Variants in PNPLA8 observed in about 807,000 individuals in gnomAD.
The protein encoded by PNPLA8 is patatin like domain 8, phospholipase A2.
A neutral mutation model predicts 76.9 loss-of-function variants in PNPLA8; 39 were observed. The observed-to-expected ratio is 0.51, with a 90% CI of 0.39 to 0.66. PNPLA8 has a LOEUF of 0.66. Ranked by LOEUF, PNPLA8 falls within the 30% of genes least tolerant of loss-of-function variation. The pLI, the probability that PNPLA8 is intolerant of heterozygous loss-of-function variation, is 0.00. For synonymous variants in PNPLA8, 301 were observed against 307.9 expected (o/e 0.98, Z 0.24); for missense variants, 887 against 918.0 (o/e 0.97, Z 0.44).
intron 1 of PNPLA8, among the ~76,000 whole-genome samples, 164 bp downstream of exon 1, chr7:108,525,865 C>A (rs944623902): frequency 6.6e-6 from 1 of 152,212 alleles, no homozygotes; most frequent in Non-Finnish European, 1.5e-5. Context: ...GACCTGCGGG[C>A]TCCTTCCAGC....
chr7:108,514,995 T>C lies in PNPLA8; in HGVS notation c.497A>G (p.Glu166Gly). The C allele has an allele frequency of 1.2e-6, 2 of 1,608,186 alleles. No homozygotes were observed. The highest frequency in any genetic ancestry group is 1.7e-6 in the Non-Finnish European group (2 of 1,179,694). Residue 166 changes from glutamate to glycine, a missense_variant, in exon 3 of 11, where the codon GAA becomes GGA. Coordinates refer to ENST00000257694, the MANE Select transcript of PNPLA8 (RefSeq NM_001256007.3). ...SLKKYSDKSA[E>G]KSPFPEEKSH... ...TTTCTCTTCTGGAAAAGGACTCTTT[T>C]CTGCTGATTTGTCACTATATTTTTT... is the stretch of plus-strand genomic sequence containing the variant.
rs1859595722 is a variant in PNPLA8, at chr7:108,471,011, G to A, written c.*1390C>T. 1 of 152,236 alleles carries A rather than the reference G, an allele frequency of 6.6e-6. No individual in the cohort carries two copies. The highest frequency in any genetic ancestry group is 6.5e-5 in the Admixed American group (1 of 15,296). The allele number at this position is 152,236 out of a possible 1,614,324, so 9.4% of individuals were successfully genotyped here. On this transcript the variant is annotated 3_prime_UTR_variant, in exon 11 of 11. Transcript: ENST00000257694. ...AACAGGGTCTAGCTTTAGTTTGTAT[G>A]TCTAAAACAAGGGGCGCTAACCTTT...
chr7:108,515,377 A>C lies in PNPLA8; in HGVS notation c.115T>G (p.Trp39Gly). ...LYFLFSPKHY[W>G]RISHISLQRG... ...TGTAGACTGATGTGGCTTATCCTCC[A>C]GTAATGCTTAGGTGAGAACAAGAAA... The change falls in exon 3 of 11, where the codon TGG becomes GGG. Residue 39 changes from tryptophan to glycine, a missense_variant. Coordinates refer to ENST00000257694, the MANE Select transcript of PNPLA8 (RefSeq NM_001256007.3). 1 of 1,613,534 alleles carries C rather than the reference A, an allele frequency of 6.2e-7. No homozygotes were observed. Among genetic ancestry groups the C allele is most frequent in the Non-Finnish European group, 8.5e-7 (1 of 1,179,690 alleles).
rs755491460 is a variant in PNPLA8, at chr7:108,487,827, C to T, written c.1810G>A (p.Ala604Thr). ...LGGCQYKMWQ[A>T]IRASSAAPGY... Reference sequence around the variant, plus strand: ...GGAGCAGCAGATGAGGCTCTAATGGCCTGCCACATTTTATACTGACAGCCT... The same window carrying T: ...GGAGCAGCAGATGAGGCTCTAATGGTCTGCCACATTTTATACTGACAGCCT... The change falls in exon 9 of 11, where the codon GCC becomes ACC. Residue 604 changes from alanine (A) to threonine (T), a missense_variant. Physicochemically the swap from Ala to Thr is moderately conservative, Grantham distance 58. Coordinates refer to ENST00000257694, the MANE Select transcript of PNPLA8 (RefSeq NM_001256007.3). 13 of 1,613,312 alleles carry T rather than the reference C, an allele frequency of 8.1e-6. No homozygotes were observed. Among genetic ancestry groups the T allele is most frequent in the South Asian group, 3.3e-5 (3 of 91,044 alleles).
Position 108,471,213 on chromosome 7 carries a change from C to CTTTTTT in PNPLA8, c.*1182_*1187dup, listed in dbSNP as rs67049113. On this transcript the variant is annotated 3_prime_UTR_variant, in exon 11 of 11. Coordinates refer to ENST00000257694, the MANE Select transcript of PNPLA8 (RefSeq NM_001256007.3). ...TAAGGTAAAACAAGCCTAACTTCTTCTTTTTTTTTTTTTTTTTTTTGAGAT... is the reference window on the plus strand; with the variant it reads ...TAAGGTAAAACAAGCCTAACTTCTTCTTTTTTTTTTTTTTTTTTTTTTTTTTGAGAT... 1.2e-4 allele frequency: 14 copies of CTTTTTT among 120,140 alleles called. No homozygotes were observed. The highest frequency in any genetic ancestry group is 1.9e-4 in the African/African-American group (6 of 31,510). The allele number at this position is 120,140 out of a possible 1,614,324, so 7.4% of individuals were successfully genotyped here. A position where few individuals can be genotyped will look rare whatever the true frequency, so the allele number is the denominator to read the frequency against.
In PNPLA8 at chr7:108,470,475, G is replaced by A. The variant is rs1355858510; in HGVS notation, c.*1926C>T. On this transcript the variant is annotated 3_prime_UTR_variant, in exon 11 of 11. Transcript: ENST00000257694. ...AGAAATAAGCCAAGCACAAATAAGG[G>A]ACATACTTAACTTCAGCTGTAAAAC... is the stretch of plus-strand genomic sequence containing the variant. The A allele has an allele frequency of 6.6e-6, 1 of 151,616 alleles. No homozygotes were observed. Among genetic ancestry groups the A allele is most frequent in the Non-Finnish European group, 1.5e-5 (1 of 67,916 alleles). 9.4% of individuals were successfully genotyped at this position (151,616 alleles called of 1,614,324 possible).
intron 4 of PNPLA8, among the ~76,000 whole-genome samples, chr7:108,511,838 C>T (rs1170214034): frequency 1.3e-5 from 2 of 152,104 alleles, no homozygotes; most frequent in African/African-American, 4.8e-5. Context: ...ACAACATATA[C>T]AGAATGAGTT....
intron 1 of PNPLA8, among the ~76,000 whole-genome samples, chr7:108,522,682 T>C (rs1002225279): frequency 6.6e-6 from 1 of 152,220 alleles, no homozygotes; most frequent in Non-Finnish European, 1.5e-5. Flanking sequence ...CTGTCTCAGA[T>C]ATTTTGGGGT....
intron 4 of PNPLA8, chr7:108,502,863 C>A: frequency 5.9e-6 from 2 of 336,920 alleles, no homozygotes; most frequent in South Asian, 1.2e-4. Context: ...AACCAATATT[C>A]AAAAGTTTTC....
chr7:108,506,427 G>A (rs780295535), intron 4 of PNPLA8, among the ~76,000 whole-genome samples: 22 of 151,242 alleles, frequency 1.5e-4, no homozygotes, highest in Non-Finnish European at 3.0e-4. Context: ...GAACACAGAG[G>A]CCTCATAGAA....
rs753096427 is a variant in PNPLA8 at position 108,491,412 on chromosome 7, T to G, written c.1681A>C (p.Lys561Gln). The G allele has an allele frequency of 6.3e-7, 1 of 1,594,398 alleles. No homozygotes were observed. The highest frequency in any genetic ancestry group is 8.6e-7 in the Non-Finnish European group (1 of 1,161,912). Residue 561 changes from lysine (K) to glutamine (Q), a missense_variant and splice_region_variant, in exon 8 of 11, where the codon AAG (lysine) becomes CAG (glutamine). Coordinates refer to ENST00000257694, the MANE Select transcript of PNPLA8 (RefSeq NM_001256007.3). ...IETARNPTCP[K>Q]VAAVSTIVNR... The stretch of plus-strand genomic sequence containing the variant: ...TATTTAAGAGACTCTAAGCTTACCT[T>G]AGGACATGTGGGGTTTCTTGCTGTT...
rs1382259801 is a variant in PNPLA8, at chr7:108,472,673, CTTCTG to C, written c.2075-3_2076del. On this transcript the variant is annotated splice_acceptor_variant and splice_polypyrimidine_tract_variant and coding_sequence_variant and intron_variant, in exon 11 of 11. Transcript: ENST00000257694. LOFTEE classifies it high-confidence loss of function. ...AACAGGCCATCAAGCATTATATGGA[CTTCTG>C]TTAAAGCAAAAAAGAAAAGGATAAG... is the stretch of plus-strand genomic sequence containing the variant. 6.4e-7 allele frequency: 1 copy of C among 1,564,898 alleles called. No individual in the cohort carries two copies. Among genetic ancestry groups the C allele is most frequent in the Admixed American group, 2.1e-5 (1 of 46,980 alleles).
At chr7:108,523,361 C>T (rs1563996534) in intron 1 of PNPLA8, among the ~76,000 whole-genome samples, 2 of 151,612 alleles carry the variant, frequency 1.3e-5, no homozygotes, top group African/African-American at 4.9e-5. Context: ...AGAGGGAAAG[C>T]TCCTTATCTG....
At chr7:108,482,992 T>C (rs985163772) in intron 9 of PNPLA8, among the ~76,000 whole-genome samples, 1 of 152,180 alleles carries the variant, frequency 6.6e-6, no homozygotes, top group Non-Finnish European at 1.5e-5. Context: ...TGAAGAACAC[T>C]CTTCATCTTT....
In PNPLA8 at chr7:108,510,585, A is replaced by G. The variant is rs548500077; in HGVS notation, c.1206+3559T>C. The G allele has an allele frequency of 3.2e-5, 48 of 1,519,312 alleles. No homozygotes were observed. In the East Asian group the frequency reaches 5.2e-4, roughly 16 times the overall value. The allele number at this position is 1,519,312 out of a possible 1,614,324, so 94.1% of individuals were successfully genotyped here. On this transcript the variant is annotated intron_variant, in intron 4 of 10. Coordinates refer to ENST00000257694, the MANE Select transcript of PNPLA8 (RefSeq NM_001256007.3). Reference sequence around the variant, plus strand: ...CTTCTTCGCCTTCGTCAAATCTACAATGGAACCTTTGTGAAGCTCAACAAG... The same window carrying G: ...CTTCTTCGCCTTCGTCAAATCTACAGTGGAACCTTTGTGAAGCTCAACAAG...
chr7:108,483,184 C>G (rs1860519405), intron 9 of PNPLA8, among the ~76,000 whole-genome samples: 1 of 152,126 alleles, frequency 6.6e-6, no homozygotes, highest in African/African-American at 2.4e-5. Flanking sequence ...AGAAATGTTC[C>G]TAAATACTAA....
intron 10 of PNPLA8, among the ~76,000 whole-genome samples, chr7:108,473,649 G>A (rs2154514589): frequency 6.6e-6 from 1 of 152,288 alleles, no homozygotes; most frequent in South Asian, 2.1e-4. Context: ...TAATTATGTT[G>A]AGAAGGTTTT....
rs763567516 is a variant in PNPLA8 at position 108,514,674 on chromosome 7, G to A, written c.818C>T (p.Ser273Phe). The change falls in exon 3 of 11, where the codon TCT becomes TTT. Residue 273 changes from serine (S) to phenylalanine (F), a missense_variant. By Grantham distance (155) the Ser-to-Phe change is radical (BLOSUM62 -2). Transcript: ENST00000257694. ...AACTTGAAGAACATCAGGTATCGCA[G>A]AAGGACTTGTAGGCTTGTCCACCGT... is the stretch of plus-strand genomic sequence containing the variant. The part of the protein sequence containing the change: ...VHTVDKPTSP[S>F]AIPDVLQVST... 1 of 1,613,998 alleles carries A rather than the reference G, an allele frequency of 6.2e-7. No individual in the cohort carries two copies. The highest frequency in any genetic ancestry group is 1.7e-5 in the Admixed American group (1 of 60,016).
rs1260071448 is a variant in PNPLA8 at position 108,514,492 on chromosome 7, C to T, written c.1000G>A (p.Val334Ile). Reference protein sequence around the residue: ...QEEPAKTDQAVSKDRNAEEKK... With the variant: ...QEEPAKTDQAISKDRNAEEKK... ...TCCTCTGCATTTCTGTCTTTGCTGACAGCCTGATCAGTTTTAGCAGGCTCT... is the reference window on the plus strand; with the variant it reads ...TCCTCTGCATTTCTGTCTTTGCTGATAGCCTGATCAGTTTTAGCAGGCTCT... Residue 334 changes from valine (V) to isoleucine (I), a missense_variant, in exon 3 of 11, where the codon GTC becomes ATC. Coordinates refer to ENST00000257694, the MANE Select transcript of PNPLA8 (RefSeq NM_001256007.3). 1 of 1,613,544 alleles carries T rather than the reference C, an allele frequency of 6.2e-7. No homozygotes were observed. The highest frequency in any genetic ancestry group is 8.5e-7 in the Non-Finnish European group (1 of 1,179,700).
Sources: gnomAD v4.1 joint callset for allele counts (sites outside exome capture counted in the v4.1 genomes callset) on GRCh38, gnomAD v4.1.1 for gene constraint, MANE v1.5 for transcripts, NCBI Gene and HGNC (gene_info 2026-07-23, HGNC 2026-07-21) for gene names.